The following POLR3G variants were observed in gnomAD, a reference collection of about 807,000 sequenced individuals.
POLR3G encodes the protein RNA polymerase III subunit G.
Under a neutral mutation model 30.1 loss-of-function variants are expected in POLR3G, and 28 were observed. That is an observed-to-expected ratio of 0.93 (90% CI 0.69 to 1.27). The LOEUF (loss-of-function observed/expected upper bound fraction) is 1.27, where lower values mean the gene tolerates loss of function less well. Ranked by LOEUF, POLR3G falls within the 50% of genes most tolerant of loss-of-function variation. POLR3G has a pLI of 0.00. For missense variants in POLR3G, 254 were observed against 264.6 expected, an observed-to-expected ratio of 0.96 and a Z score of 0.28; for synonymous variants, 79 against 82.5, an observed-to-expected ratio of 0.96 and a Z score of 0.23.
intron 1 of POLR3G, among the ~76,000 whole-genome samples, chr5:90,484,930 A>G (rs1751358742): frequency 6.6e-6 from 1 of 152,192 alleles, no homozygotes; most frequent in Non-Finnish European, 1.5e-5. Context: ...CAACTTGCAT[A>G]TGTGATATCA....
upstream of POLR3G, chr5:90,474,418 A>C (rs1032593499): frequency 2.4e-6 from 2 of 850,752 alleles, no homozygotes; most frequent in Admixed American, 2.6e-5. Context: ...GCGTAGAGCG[A>C]GGCGGGGGCG....
At chr5:90,474,268 G>A, upstream of POLR3G, 5 of 1,613,446 alleles carry the variant, frequency 3.1e-6, no homozygotes, top group Non-Finnish European at 4.2e-6. Context: ...AGAGACTTGT[G>A]GGCGTACCAC....
At chr5:90,491,074 T>C (rs1751702366) in intron 3 of POLR3G, among the ~76,000 whole-genome samples, 1 of 152,158 alleles carries the variant, frequency 6.6e-6, no homozygotes, top group African/African-American at 2.4e-5. Flanking sequence ...GACTTCCTGA[T>C]AGTCAAGTGG....
At chr5:90,510,881 A>C (rs954613195) in intron 7 of POLR3G, among the ~76,000 whole-genome samples, 14 of 152,164 alleles carry the variant, frequency 9.2e-5, no homozygotes, top group Admixed American at 7.2e-4. Context: ...AAAAAAAAAA[A>C]AACTTTGGAA....
At chr5:90,499,219 A>G (rs925201321) in intron 5 of POLR3G, among the ~76,000 whole-genome samples, 1 of 152,142 alleles carries the variant, frequency 6.6e-6, no homozygotes, top group Non-Finnish European at 1.5e-5. Flanking sequence ...TAATTAGAAG[A>G]AAGGAGAGCC....
upstream of POLR3G, chr5:90,474,349 CT>C: frequency 6.7e-7 from 1 of 1,498,822 alleles, no homozygotes; most frequent in Non-Finnish European, 9.2e-7. Context: ...CTCCCACAGG[CT>C]GTCCACACAC....
chr5:90,507,020 A>T (rs776503642), intron 7 of POLR3G, among the ~76,000 whole-genome samples: 2 of 152,202 alleles, frequency 1.3e-5, no homozygotes, highest in Non-Finnish European at 2.9e-5. Context: ...GGAGGGCTTA[A>T]CCACCTAGGT....
intron 6 of POLR3G, among the ~76,000 whole-genome samples, chr5:90,506,083 G>A (rs1279956026): frequency 3.3e-5 from 5 of 151,838 alleles, no homozygotes; most frequent in Non-Finnish European, 4.4e-5. Flanking sequence ...AAAAAAATTA[G>A]CCAGGCTTGG....
intron 4 of POLR3G, among the ~76,000 whole-genome samples, chr5:90,496,537 T>A (rs1452919071): frequency 6.6e-6 from 1 of 152,186 alleles, no homozygotes; most frequent in Non-Finnish European, 1.5e-5. Flanking sequence ...AAAAAGAAGC[T>A]TTACCTTGGG....
chr5:90,478,057 A>G (rs1750924984), intron 1 of POLR3G, among the ~76,000 whole-genome samples: 1 of 152,236 alleles, frequency 6.6e-6, no homozygotes, highest in African/African-American at 2.4e-5. Flanking sequence ...TTCCTGCCTC[A>G]GTGTGGACAA....
At chr5:90,506,790 T>G in intron 7 of POLR3G, 116 bp downstream of exon 7, 6 of 1,361,948 alleles carry the variant, frequency 4.4e-6, no homozygotes, top group Non-Finnish European at 5.7e-6. Flanking sequence ...GAACCAGAAG[T>G]ATATTATTAT....
Position 90,485,561 on chromosome 5 carries a change from G to A in POLR3G, c.-7G>A, listed in dbSNP as rs771547263. 1 of 1,601,220 alleles carries A rather than the reference G, an allele frequency of 6.2e-7. No individual in the cohort carries two copies. Among genetic ancestry groups the A allele is most frequent in the African/African-American group, 1.3e-5 (1 of 74,620 alleles). ...ATTTGCCCACTCATCTGGTATAACT[G>A]GTTCTGATGGCTGGGAATAAAGGAA... On this transcript the variant is annotated 5_prime_UTR_variant, in exon 2 of 8. Transcript: ENST00000651687.
chr5:90,513,833 A>T lies in POLR3G; in HGVS notation c.*1694A>T, dbSNP rs759662128. ...TAAGCCTTAGAATAGAAACCTCACA[A>T]AAAGTTGTCATTTGCGGTTGATAAT... On this transcript the variant is annotated 3_prime_UTR_variant, in exon 8 of 8. Transcript: ENST00000651687. 1 of 152,226 alleles carries T rather than the reference A, an allele frequency of 6.6e-6. No individual in the cohort carries two copies. Among genetic ancestry groups the T allele is most frequent in the Non-Finnish European group, 1.5e-5 (1 of 68,028 alleles). The allele number at this position is 152,226 out of a possible 1,614,324, so 9.4% of individuals were successfully genotyped here.
Position 90,506,410 on chromosome 5 carries a change from G to T in POLR3G, c.439-118G>T, listed in dbSNP as rs1752486255. 2.9e-6 allele frequency: 4 copies of T among 1,360,430 alleles called. No homozygotes were observed. In the South Asian group the frequency reaches 7.7e-5, roughly 26 times the overall value. The allele number at this position is 1,360,430 out of a possible 1,614,324, so 84.3% of individuals were successfully genotyped here. On this transcript the variant is annotated intron_variant, in intron 6 of 7. Transcript: ENST00000651687. The stretch of plus-strand genomic sequence containing the variant: ...TCATAGTTTCCTAGGTGGTAGCCAG[G>T]AGGTGGTGGTAAGATGGGAGTAGAA...
chr5:90,476,531 A>G (rs969153399), intron 1 of POLR3G, among the ~76,000 whole-genome samples: 11 of 152,216 alleles, frequency 7.2e-5, no homozygotes, highest in Non-Finnish European at 1.2e-4. Flanking sequence ...AGAGTAATAT[A>G]GGGCCCTCAG....
At chr5:90,483,143 C>CAAAAA (rs35917267) in intron 1 of POLR3G, among the ~76,000 whole-genome samples, 1 of 101,604 alleles carries the variant, frequency 9.8e-6, no homozygotes, top group Non-Finnish European at 1.9e-5. Context: ...TCCTCCGTCT[C>CAAAAA]AAAAAAAAAA....
At chr5:90,474,015 T>G (rs749328519), upstream of POLR3G, 3 of 1,596,410 alleles carry the variant, frequency 1.9e-6, no homozygotes, top group South Asian at 3.4e-5. Flanking sequence ...GTCGAACTGG[T>G]AGAGGCCGCC....
intron 4 of POLR3G, among the ~76,000 whole-genome samples, chr5:90,497,300 A>C (rs1409971416): frequency 1.3e-5 from 2 of 152,172 alleles, no homozygotes; most frequent in Non-Finnish European, 2.9e-5. Flanking sequence ...TACAGAATAT[A>C]TCAACTACAG....
chr5:90,492,304 A>G (rs1751764190), intron 3 of POLR3G, among the ~76,000 whole-genome samples: 1 of 152,232 alleles, frequency 6.6e-6, no homozygotes, highest in South Asian at 2.1e-4. Context: ...AGAACTCATC[A>G]TGTAATACTT....
Sources: gnomAD v4.1 joint callset for allele counts (sites outside exome capture counted in the v4.1 genomes callset) on GRCh38, gnomAD v4.1.1 for gene constraint, MANE v1.5 for transcripts, NCBI Gene and HGNC (gene_info 2026-07-23, HGNC 2026-07-21) for gene names.